The following DHRSX variants were observed in gnomAD, a reference collection of about 807,000 sequenced individuals.
The protein encoded by DHRSX is polyprenol dehydrogenase.
DHRSX carries 31 observed loss-of-function variants against 34.0 expected under a neutral mutation model. The observed-to-expected ratio is 0.91, with a 90% CI of 0.69 to 1.23. The LOEUF is 1.23. Ranked by LOEUF, DHRSX falls within the 50% of genes most tolerant of loss-of-function variation. DHRSX has a pLI of 0.00. For missense variants in DHRSX, 414 were observed against 428.1 expected (o/e 0.97, Z 0.29); for synonymous variants, 201 against 183.8 (o/e 1.09, Z -0.76).
chrX:2,369,939 G>A (rs781311858), intron 3 of DHRSX, among the ~76,000 whole-genome samples: 54 of 152,138 alleles, frequency 3.5e-4, no homozygotes, highest in Non-Finnish European at 5.1e-4. Flanking sequence ...CCCTGTGCCC[G>A]GCCCGGACTC....
chrX:2,240,676 C>A (rs2016120373), intron 6 of DHRSX, among the ~76,000 whole-genome samples: 1 of 151,946 alleles, frequency 6.6e-6, no homozygotes, highest in South Asian at 2.1e-4. Flanking sequence ...TCAACCCATG[C>A]GGTTTTGAAG....
chrX:2,395,053 G>GT, intron 3 of DHRSX, among the ~76,000 whole-genome samples: 1 of 152,262 alleles, frequency 6.6e-6, no homozygotes, highest in East Asian at 1.9e-4. Context: ...AGTGGTCAGC[G>GT]TTATAGGTGA....
At chrX:2,272,391 G>A (rs1602847632) in intron 4 of DHRSX, among the ~76,000 whole-genome samples, 2 of 152,102 alleles carry the variant, frequency 1.3e-5, no homozygotes, top group South Asian at 2.1e-4. Flanking sequence ...GCTTCAGGGG[G>A]CTCTAAAGCA....
intron 3 of DHRSX, among the ~76,000 whole-genome samples, chrX:2,402,976 A>G (rs1403377030): frequency 7.0e-6 from 1 of 143,562 alleles, no homozygotes; most frequent in African/African-American, 2.6e-5. Context: ...TCCGCCTCCC[A>G]GATTCAAGCA....
rs149072532 is a variant in DHRSX, at chrX:2,370,227, A to G, written c.286+38518T>C. Reference sequence around the variant, plus strand: ...CACTCTGTCTCCCAGGCTGGAGTGCAGTGGCGCAATCTCGGCTCACTGCAA... The same window carrying G: ...CACTCTGTCTCCCAGGCTGGAGTGCGGTGGCGCAATCTCGGCTCACTGCAA... On this transcript the variant is annotated intron_variant, in intron 3 of 6. Coordinates refer to ENST00000334651, the MANE Select transcript of DHRSX (RefSeq NM_145177.3). Among the ~76,000 whole-genome samples the G allele has an allele frequency of 2.2e-3, 340 of 151,980 alleles. 11 individuals are homozygous for G. In the East Asian group the frequency reaches 0.058, roughly 26 times the overall value.
chrX:2,360,385 C>G (rs1179019307), intron 3 of DHRSX, among the ~76,000 whole-genome samples: 1 of 152,102 alleles, frequency 6.6e-6, no homozygotes, highest in Non-Finnish European at 1.5e-5. Context: ...GAGTTCAAGA[C>G]CAGCCTGACC....
chrX:2,402,357 A>G (rs2043496754), intron 3 of DHRSX, among the ~76,000 whole-genome samples: 1 of 152,226 alleles, frequency 6.6e-6, no homozygotes, highest in Non-Finnish European at 1.5e-5. Context: ...GAGAAGCACA[A>G]TTTAGAGCAA....
chrX:2,239,354 T>A (rs2016087042), intron 6 of DHRSX, among the ~76,000 whole-genome samples: 2 of 147,562 alleles, frequency 1.4e-5, no homozygotes, highest in Admixed American at 1.4e-4. Context: ...GATTGTGTCA[T>A]AATTCCAGCG....
chrX:2,474,592 T>C (rs1029421020), intron 1 of DHRSX, among the ~76,000 whole-genome samples: 2 of 151,390 alleles, frequency 1.3e-5, no homozygotes, highest in Admixed American at 1.3e-4. Context: ...AGACGATCCC[T>C]AAGCTTGTGG....
chrX:2,307,950 C>T (rs1215124161), intron 3 of DHRSX, among the ~76,000 whole-genome samples: 3 of 151,988 alleles, frequency 2.0e-5, no homozygotes, highest in South Asian at 2.1e-4. Flanking sequence ...GTAGGAGCTG[C>T]GTCCCTTTCC....
intron 3 of DHRSX, among the ~76,000 whole-genome samples, chrX:2,406,659 T>C (rs1330735131): frequency 6.6e-6 from 1 of 152,092 alleles, no homozygotes; most frequent in Non-Finnish European, 1.5e-5. Flanking sequence ...CAGGCTGGTC[T>C]CGAACTCCTG....
chrX:2,345,299 TAAAGG>T (rs1278263251), intron 3 of DHRSX, among the ~76,000 whole-genome samples: 2 of 151,812 alleles, frequency 1.3e-5, no homozygotes, highest in African/African-American at 4.8e-5. Flanking sequence ...AGACTTTGAG[TAAAGG>T]AATTGGTGGG....
At chrX:2,289,482 C>T (rs957832309) in intron 4 of DHRSX, among the ~76,000 whole-genome samples, 2 of 152,108 alleles carry the variant, frequency 1.3e-5, no homozygotes, top group Admixed American at 6.5e-5. Flanking sequence ...TGGAAGTAGT[C>T]GCACAAAAGT....
At chrX:2,363,706 T>A (rs35403642) in intron 3 of DHRSX, among the ~76,000 whole-genome samples, 56 of 120,210 alleles carry the variant, frequency 4.7e-4, no homozygotes, top group East Asian at 2.0e-3. Context: ...GTATCATGCC[T>A]CCATTTTATC....
chrX:2,417,617 C>T (rs186598114), intron 2 of DHRSX, among the ~76,000 whole-genome samples: 1 of 151,692 alleles, frequency 6.6e-6, no homozygotes, highest in African/African-American at 2.4e-5. Flanking sequence ...CCCAACTAGA[C>T]GTCAATGTGA....
chrX:2,253,293 C>T (rs1346406478), intron 5 of DHRSX, among the ~76,000 whole-genome samples: 14 of 138,726 alleles, frequency 1.0e-4, no homozygotes, highest in African/African-American at 3.5e-4. Context: ...GATGGCGCCA[C>T]GGCACTGCAG....
chrX:2,436,209 C>T (rs4892888), intron 1 of DHRSX, among the ~76,000 whole-genome samples: 39,719 of 151,436 alleles, frequency 0.26, 6,035 homozygotes, highest in African/African-American at 0.43. Context: ...ATAATAACAA[C>T]AAAAATAAAT....
At chrX:2,224,974 A>T (rs2015613474) in intron 6 of DHRSX, among the ~76,000 whole-genome samples, 1 of 134,982 alleles carries the variant, frequency 7.4e-6, no homozygotes, top group Non-Finnish European at 1.6e-5. Flanking sequence ...TCACATTCAC[A>T]TGCACACTAA....
At chrX:2,346,940 G>C (rs910333967) in intron 3 of DHRSX, among the ~76,000 whole-genome samples, 10 of 152,000 alleles carry the variant, frequency 6.6e-5, no homozygotes, top group Non-Finnish European at 1.5e-4. Context: ...GAGAATGATG[G>C]TTTCCAGCTT....
Sources: gnomAD v4.1 joint callset for allele counts (sites outside exome capture counted in the v4.1 genomes callset) on GRCh38, gnomAD v4.1.1 for gene constraint, MANE v1.5 for transcripts, NCBI Gene and HGNC (gene_info 2026-07-23, HGNC 2026-07-21) for gene names.